PARP9: variants seen among roughly 807,000 people sequenced by gnomAD.
PARP9 encodes poly(ADP-ribose) polymerase family member 9, also known as protein mono-ADP-ribosyltransferase PARP9.
Under a neutral mutation model 68.8 loss-of-function variants are expected in PARP9, and 48 were observed. The observed-to-expected ratio is 0.70, with a 90% CI of 0.55 to 0.89. The LOEUF (loss-of-function observed/expected upper bound fraction) is 0.89. Among genes scored for constraint, PARP9 ranks in the 40% least tolerant of loss-of-function variants. The pLI, the probability that PARP9 is intolerant of heterozygous loss-of-function variation, is 0.00. For synonymous variants in PARP9, 309 were observed against 333.8 expected, an observed-to-expected ratio of 0.93 and a Z score of 0.81; for missense variants, 806 against 969.3, an observed-to-expected ratio of 0.83 and a Z score of 2.24.
intron 8 of PARP9, 34 bp downstream of exon 8, chr3:122,540,438 A>G (rs780416975): frequency 1.9e-6 from 3 of 1,603,224 alleles, no homozygotes; most frequent in Non-Finnish European, 2.6e-6. Context: ...CAATGGGGAG[A>G]ATTTACTTTC....
At position 122,536,925 on chromosome 3, in the gene PARP9, T is replaced by C; in HGVS notation, c.1905+9A>G. The C allele has an allele frequency of 6.3e-7, 1 of 1,597,376 alleles. No homozygotes were observed. Among genetic ancestry groups the C allele is most frequent in the Non-Finnish European group, 8.5e-7 (1 of 1,175,820 alleles). On this transcript the variant is annotated intron_variant, in intron 9 of 10. Transcript: ENST00000682323. ...AAATGAGCCAAATCTTCCCCTTTGT[T>C]AGGTATACCTTTAGAACCTGCAAAC...
At chr3:122,562,094 C>T (rs758110868) in intron 1 of PARP9, among the ~76,000 whole-genome samples, 2 of 152,200 alleles carry the variant, frequency 1.3e-5, no homozygotes, top group African/African-American at 2.4e-5. Context: ...CTTCCTTCCT[C>T]GCCCACTGAC....
intron 2 of PARP9, 146 bp from the exon 3 acceptor site, chr3:122,558,613 T>C: frequency 1.1e-6 from 1 of 913,460 alleles, no homozygotes; most frequent in South Asian, 2.0e-5. Flanking sequence ...TGTGTTTTTT[T>C]AAATCTGCAT....
chr3:122,559,541 GT>G, intron 2 of PARP9, 64 bp downstream of exon 2: 1 of 1,482,834 alleles, frequency 6.7e-7, no homozygotes, highest in South Asian at 1.5e-5. Context: ...ATTTCTTGCT[GT>G]TATATAAAGA....
chr3:122,538,109 AAGT>A (rs1358476723), intron 8 of PARP9, among the ~76,000 whole-genome samples: 1 of 152,246 alleles, frequency 6.6e-6, no homozygotes, highest in Non-Finnish European at 1.5e-5. Context: ...AAATCTGAGA[AAGT>A]AGGAGGGACA....
chr3:122,560,567 T>C, intron 1 of PARP9, among the ~76,000 whole-genome samples: 1 of 152,128 alleles, frequency 6.6e-6, no homozygotes, highest in East Asian at 1.9e-4. Flanking sequence ...TTTGTATTTT[T>C]AGTAGAGATG....
chr3:122,546,155 A>G (rs1269185948), intron 6 of PARP9, among the ~76,000 whole-genome samples: 1 of 152,248 alleles, frequency 6.6e-6, no homozygotes, highest in Non-Finnish European at 1.5e-5. Context: ...ACAATTGGCA[A>G]TATAGATGGT....
At chr3:122,539,753 A>T (rs2107607334) in intron 8 of PARP9, among the ~76,000 whole-genome samples, 1 of 152,064 alleles carries the variant, frequency 6.6e-6, no homozygotes, top group South Asian at 2.1e-4. Context: ...TAGTAGAGAC[A>T]GAGTTTCTCC....
chr3:122,564,211 A>C, intron 1 of PARP9, 34 bp downstream of exon 1: 1 of 534,560 alleles, frequency 1.9e-6, no homozygotes, highest in Non-Finnish European at 3.2e-6. Context: ...AGGAGAGGGG[A>C]CCCCGAGGGC....
At chr3:122,538,366 G>C (rs750859223) in intron 8 of PARP9, among the ~76,000 whole-genome samples, 1 of 152,212 alleles carries the variant, frequency 6.6e-6, no homozygotes, top group African/African-American at 2.4e-5. Context: ...GCATAAAAGA[G>C]AGGCCATGCC....
chr3:122,562,999 T>C lies in PARP9; in HGVS notation c.-90+1246A>G, dbSNP rs111503129. On this transcript the variant is annotated intron_variant, in intron 1 of 10. Coordinates refer to ENST00000682323, the MANE Select transcript of PARP9 (RefSeq NM_001146105.2). Reference sequence around the variant, plus strand: ...AACCAAAAAGTATATGCAGTTGTAATTCTGACAGTATTGCCAAATTGTTCA... The same window carrying C: ...AACCAAAAAGTATATGCAGTTGTAACTCTGACAGTATTGCCAAATTGTTCA... Among the ~76,000 whole-genome samples, 397 of 152,336 alleles carry C rather than the reference T, an allele frequency of 2.6e-3. 1 individual carries two copies. The highest frequency in any genetic ancestry group is 9.2e-3 in the African/African-American group (382 of 41,564).
upstream of PARP9, chr3:122,564,391 T>C: frequency 6.3e-7 from 1 of 1,581,452 alleles, no homozygotes. Flanking sequence ...CCCAGCTGCC[T>C]CCCGGAGCCC....
At chr3:122,539,507 A>ATTTCTTTCTCTCTTTCTTTC (rs2077942004) in intron 8 of PARP9, among the ~76,000 whole-genome samples, 8 of 133,162 alleles carry the variant, frequency 6.0e-5, no homozygotes, top group African/African-American at 2.4e-4. Context: ...CCAAGATGGC[A>ATTTCTTTCTCTCTTTCTTTC]TTTCTTTCTT....
Position 122,539,507 on chromosome 3 carries a change from A to C in PARP9, c.1765+965T>G, listed in dbSNP as rs548744824. On this transcript the variant is annotated intron_variant, in intron 8 of 10. Transcript: ENST00000682323. ...CTCTATCTCTATCTCCCAAGATGGC[A>C]TTTCTTTCTTTCTTTCTTTCTTTCT... Among the ~76,000 whole-genome samples the C allele has an allele frequency of 2.1e-3, 276 of 133,198 alleles. 4 individuals are homozygous for C. The highest frequency in any genetic ancestry group is 7.0e-3 in the African/African-American group (239 of 34,014). 87.4% of individuals were successfully genotyped at this position (133,198 alleles called of 152,430 possible). A position where few individuals can be genotyped will look rare whatever the true frequency, so the allele number is the denominator to read the frequency against.
At chr3:122,564,650 G>C (rs2080520750), upstream of PARP9, 3 of 1,563,844 alleles carry the variant, frequency 1.9e-6, no homozygotes, top group Admixed American at 2.1e-5. Context: ...AAGCCCTCTG[G>C]GGGCCCGGCC....
At chr3:122,539,042 CAATG>C (rs944134392) in intron 8 of PARP9, among the ~76,000 whole-genome samples, 6 of 152,092 alleles carry the variant, frequency 3.9e-5, no homozygotes, top group Non-Finnish European at 7.4e-5. Context: ...ACATTATAAC[CAATG>C]ATCTTTCTAA....
chr3:122,557,426 C>T (rs1576439132), intron 3 of PARP9, among the ~76,000 whole-genome samples: 1 of 152,072 alleles, frequency 6.6e-6, no homozygotes, highest in Non-Finnish European at 1.5e-5. Context: ...AATTATTTAC[C>T]GTATGTGGCA....
chr3:122,535,560 T>C, intron 10 of PARP9: 1 of 985,380 alleles, frequency 1.0e-6, no homozygotes. Flanking sequence ...CATTAGTGAC[T>C]GAGGAGTAGA....
intron 6 of PARP9, among the ~76,000 whole-genome samples, chr3:122,548,760 A>G (rs1261717390): frequency 6.6e-6 from 1 of 152,184 alleles, no homozygotes; most frequent in African/African-American, 2.4e-5. Flanking sequence ...GTGTTAGACC[A>G]CAGCTGATTT....
Sources: allele counts gnomAD v4.1 joint callset (sites outside exome capture counted in the v4.1 genomes callset), GRCh38; gene constraint gnomAD v4.1.1; transcripts MANE v1.5; gene names NCBI Gene and HGNC (gene_info 2026-07-23, HGNC 2026-07-21).